The following CTDSP1 variants were observed in gnomAD, a reference collection of about 807,000 sequenced individuals.
CTDSP1 encodes the protein carboxy-terminal domain RNA polymerase II polypeptide A small phosphatase 1.
In CTDSP1, 15 loss-of-function variants were observed where a neutral mutation model predicts 32.5. That is an observed-to-expected ratio of 0.46 (90% CI 0.31 to 0.71). The LOEUF (loss-of-function observed/expected upper bound fraction) is 0.71, where lower values mean the gene tolerates loss of function less well. Among genes scored for constraint, CTDSP1 ranks in the 30% least tolerant of loss-of-function variants. CTDSP1 has a pLI of 0.05. For synonymous variants in CTDSP1, 185 were observed against 145.4 expected, an observed-to-expected ratio of 1.27 and a Z score of -1.96; for missense variants, 294 against 351.1, an observed-to-expected ratio of 0.84 and a Z score of 1.30.
chr2:218,397,829 C>T (rs924152878), upstream of CTDSP1, among the ~76,000 whole-genome samples: 1 of 152,082 alleles, frequency 6.6e-6, no homozygotes, highest in Non-Finnish European at 1.5e-5. Flanking sequence ...GGAGATAAGT[C>T]CAGGGCTCCA....
chr2:218,397,675 G>A (rs928001439), upstream of CTDSP1, among the ~76,000 whole-genome samples: 5 of 152,136 alleles, frequency 3.3e-5, no homozygotes, highest in East Asian at 7.7e-4. Flanking sequence ...AAAATAGAGT[G>A]CATAAAGCGA....
At chr2:218,402,598 G>A in intron 4 of CTDSP1, 193 bp downstream of exon 4, 2 of 759,072 alleles carry the variant, frequency 2.6e-6, no homozygotes, top group South Asian at 1.4e-5. Flanking sequence ...TGCAGAGTGG[G>A]CTCCTCCTCT....
chr2:218,401,134 C>T (rs1380714362), intron 1 of CTDSP1: 3 of 366,960 alleles, frequency 8.2e-6, no homozygotes, highest in Non-Finnish European at 1.6e-5. Flanking sequence ...TTCGTACCCA[C>T]GGGGGTGGAG....
chr2:218,397,956 G>A (rs529893749), upstream of CTDSP1, among the ~76,000 whole-genome samples: 1 of 152,242 alleles, frequency 6.6e-6, no homozygotes, highest in East Asian at 1.9e-4. Context: ...GGGTGGAGGA[G>A]GTGGGGGATT....
chr2:218,400,286 C>A, intron 1 of CTDSP1, 129 bp downstream of exon 1: 1 of 830,922 alleles, frequency 1.2e-6, no homozygotes, highest in South Asian at 1.5e-5. Flanking sequence ...AAGCTCCCAG[C>A]CCGAGAGGGA....
intron 4 of CTDSP1, 83 bp downstream of exon 4, chr2:218,402,488 A>C (rs1697200932): frequency 7.3e-7 from 1 of 1,373,968 alleles, no homozygotes; most frequent in Admixed American, 1.7e-5. Flanking sequence ...AGCGCCTCGG[A>C]TGGGAATTGG....
At chr2:218,404,148 C>T in intron 6 of CTDSP1, 149 bp from the exon 7 acceptor site, 2 of 855,590 alleles carry the variant, frequency 2.3e-6, no homozygotes, top group East Asian at 2.5e-5. Flanking sequence ...ATGTGTTTTC[C>T]TGGGGATTGC....
At position 218,405,796 on chromosome 2, in the gene CTDSP1, T is replaced by TGA. The variant is rs1397755345; in HGVS notation, c.*1372_*1373dup. The TGA allele has an allele frequency of 6.5e-6, 1 of 152,884 alleles. No individual in the cohort carries two copies. Among genetic ancestry groups the TGA allele is most frequent in the Non-Finnish European group, 1.5e-5 (1 of 68,156 alleles). The allele number at this position is 152,884 out of a possible 1,614,324, so 9.5% of individuals were successfully genotyped here. ...CAGTGCCAAGGGGGATGTCAAGTGGTGATGTCGTTGTGCTCCCCTCCCCCA... is the reference window on the plus strand; with the variant it reads ...CAGTGCCAAGGGGGATGTCAAGTGGTGAGATGTCGTTGTGCTCCCCTCCCCCA... On this transcript the variant is annotated 3_prime_UTR_variant, in exon 7 of 7. Coordinates refer to ENST00000273062, the MANE Select transcript of CTDSP1 (RefSeq NM_021198.3).
In CTDSP1 at chr2:218,404,774, G is replaced by A. The variant is rs112815236; in HGVS notation, c.*349G>A. The A allele has an allele frequency of 6.0e-3, 1,295 of 215,660 alleles. 15 individuals are homozygous for A. The highest frequency in any genetic ancestry group is 0.028 in the African/African-American group (1,211 of 43,720). 13.4% of individuals were successfully genotyped at this position (215,660 alleles called of 1,614,324 possible). A position where few individuals can be genotyped will look rare whatever the true frequency, so the allele number is the denominator to read the frequency against. On this transcript the variant is annotated 3_prime_UTR_variant, in exon 7 of 7. Transcript: ENST00000273062. Reference sequence around the variant, plus strand: ...CCCCTTCCGGTTCTGCTTCCTGGGGGCAGGGTTCCTGCCTTGGACCCCCAG... The same window carrying A: ...CCCCTTCCGGTTCTGCTTCCTGGGGACAGGGTTCCTGCCTTGGACCCCCAG...
At chr2:218,398,332 G>T (rs928368962), upstream of CTDSP1, 5 of 1,290,388 alleles carry the variant, frequency 3.9e-6, no homozygotes, top group Non-Finnish European at 5.4e-6. Context: ...CGTTCTAAGG[G>T]GTAAATGAGA....
chr2:218,400,065 G>A lies in CTDSP1; in HGVS notation c.-26G>A, dbSNP rs1697032349. ...AGGCCGGGCGCCCGGGCCAGAGTCC[G>A]GCCGGAGCGGAGCGCGCCCGGCCCC... On this transcript the variant is annotated 5_prime_UTR_variant, in exon 1 of 7. Coordinates refer to ENST00000273062, the MANE Select transcript of CTDSP1 (RefSeq NM_021198.3). 3.7e-6 allele frequency: 5 copies of A among 1,349,934 alleles called. No homozygotes were observed. The highest frequency in any genetic ancestry group is 4.8e-6 in the Non-Finnish European group (5 of 1,040,926). The allele number at this position is 1,349,934 out of a possible 1,614,324, so 83.6% of individuals were successfully genotyped here. A position where few individuals can be genotyped will look rare whatever the true frequency, so the allele number is the denominator to read the frequency against.
chr2:218,399,795 C>G, upstream of CTDSP1: 1 of 1,109,122 alleles, frequency 9.0e-7, no homozygotes, highest in South Asian at 4.3e-5. Flanking sequence ...AAAGCCGCAG[C>G]CGAGTCCAGG....
At position 218,400,655 on chromosome 2, in the gene CTDSP1, C is replaced by T. The variant is rs772150915; in HGVS notation, c.67+498C>T. ...CTCCCGCCAACACACAGCTACGTTC[C>T]CCACAAACTTCGCGTCACGCGTGGA... On this transcript the variant is annotated intron_variant, in intron 1 of 6. Transcript: ENST00000273062. The T allele has an allele frequency of 1.8e-3, 804 of 441,572 alleles. 2 individuals carry two copies. The highest frequency in any genetic ancestry group is 3.2e-3 in the Non-Finnish European group (696 of 219,888). 27.4% of individuals were successfully genotyped at this position (441,572 alleles called of 1,614,324 possible).
chr2:218,400,126 G>A lies in CTDSP1; in HGVS notation c.36G>A (p.Lys12=), dbSNP rs1215769607. 2 of 1,545,718 alleles carry A rather than the reference G, an allele frequency of 1.3e-6. No homozygotes were observed. The highest frequency in any genetic ancestry group is 1.4e-5 in the African/African-American group (1 of 72,810). The change falls in exon 1 of 7, where the codon AAG becomes AAA. Residue 12 remains lysine, a synonymous_variant. Transcript: ENST00000273062. ...CGGCCGTCATTACTCAGATCAGCAA[G>A]GAGGAGGCTCGGGGCCCGCTGCGGG... ...DSSAVITQIS[K]EEARGPLRGK...
chr2:218,397,676 C>T (rs1696888822), upstream of CTDSP1, among the ~76,000 whole-genome samples: 4 of 152,126 alleles, frequency 2.6e-5, no homozygotes, highest in Admixed American at 2.6e-4. Flanking sequence ...AAATAGAGTG[C>T]ATAAAGCGAC....
upstream of CTDSP1, chr2:218,399,865 T>A: frequency 8.1e-7 from 1 of 1,241,074 alleles, no homozygotes; most frequent in Non-Finnish European, 1.0e-6. Flanking sequence ...GGGTTCCATG[T>A]TTGCATCCGC....
At chr2:218,401,814 C>T in intron 2 of CTDSP1, 102 bp downstream of exon 2, 1 of 1,189,238 alleles carries the variant, frequency 8.4e-7, no homozygotes, top group Non-Finnish European at 1.1e-6. Flanking sequence ...GACTTGCAGA[C>T]CTGAAAGGTG....
At position 218,403,050 on chromosome 2, in the gene CTDSP1, C is replaced by T; in HGVS notation, c.394C>T (p.Arg132Cys). The change falls in exon 5 of 7, where the codon CGT (arginine) becomes TGT (cysteine). Residue 132 changes from arginine to cysteine, a missense_variant. Physicochemically the swap from Arg to Cys is radical, Grantham distance 180. This residue lies in a region of CTDSP1 where 146 missense variants were observed against 237.7 expected (regional missense o/e 0.61). Transcript: ENST00000273062. Reference protein sequence around the residue: ...GVVHQVYVLKRPHVDEFLQRM... With the variant: ...GVVHQVYVLKCPHVDEFLQRM... ...CGCCCCCCAGGTCTACGTGTTGAAG[C>T]GTCCTCACGTGGATGAGTTCCTGCA... The T allele has an allele frequency of 6.2e-7, 1 of 1,613,988 alleles. No homozygotes were observed.
At chr2:218,398,587 G>A, upstream of CTDSP1, 1 of 703,094 alleles carries the variant, frequency 1.4e-6, no homozygotes, top group Non-Finnish European at 2.1e-6. Flanking sequence ...CCCGGCCCCC[G>A]CGCGGGGCCT....
Sources: gnomAD v4.1 joint callset for allele counts (sites outside exome capture counted in the v4.1 genomes callset) on GRCh38, gnomAD v4.1.1 for gene constraint, gnomAD v4.1.1 regional missense constraint, MANE v1.5 for transcripts, NCBI Gene and HGNC (gene_info 2026-07-23, HGNC 2026-07-21) for gene names.